Variants in PRORP observed in about 807,000 individuals in gnomAD.
The protein encoded by PRORP is mitochondrial ribonuclease P catalytic subunit.
PRORP carries 51 observed loss-of-function variants against 59.4 expected under a neutral mutation model. The observed-to-expected ratio is 0.86, with a 90% CI of 0.69 to 1.08. The LOEUF (loss-of-function observed/expected upper bound fraction) is 1.08, where lower values mean the gene tolerates loss of function less well. PRORP is among the 50% of genes least tolerant of loss of function. The pLI is 0.00. For missense variants in PRORP, 646 were observed against 690.3 expected (o/e 0.94, Z 0.72); for synonymous variants, 231 against 245.6 (o/e 0.94, Z 0.55).
At chr14:35,172,783 G>T (rs2048354833) in intron 4 of PRORP, among the ~76,000 whole-genome samples, 1 of 151,758 alleles carries the variant, frequency 6.6e-6, no homozygotes. Flanking sequence ...GGCCAGGATG[G>T]TCTTGATCTC....
Position 35,196,006 on chromosome 14 carries a change from G to A in PRORP, c.1275+15229G>A, listed in dbSNP as rs759329903. Among the ~76,000 whole-genome samples the A allele has an allele frequency of 3.9e-5, 6 of 152,270 alleles. No individual in the cohort carries two copies. In the East Asian group the frequency reaches 5.8e-4, roughly 15 times the overall value. Reference sequence around the variant, plus strand: ...TAAAGTAATTATATGTAATATCAAAGCAATGTAATTGTAAGCTTCTCCCTA... The same window carrying A: ...TAAAGTAATTATATGTAATATCAAAACAATGTAATTGTAAGCTTCTCCCTA... On this transcript the variant is annotated intron_variant, in intron 5 of 7. Transcript: ENST00000534898.
At chr14:35,220,733 C>CG (rs1254030695) in intron 5 of PRORP, among the ~76,000 whole-genome samples, 2 of 149,366 alleles carry the variant, frequency 1.3e-5, no homozygotes, top group African/African-American at 5.0e-5. Flanking sequence ...TTTAATTATT[C>CG]CCCATGACAT....
At chr14:35,216,303 G>A (rs2139191881) in intron 5 of PRORP, among the ~76,000 whole-genome samples, 1 of 150,320 alleles carries the variant, frequency 6.7e-6, no homozygotes, top group Non-Finnish European at 1.5e-5. Context: ...TTCCTTTCTG[G>A]GTTTTTTTTG....
chr14:35,190,219 C>A (rs1224815821), intron 5 of PRORP, among the ~76,000 whole-genome samples: 1 of 150,466 alleles, frequency 6.6e-6, no homozygotes, highest in Non-Finnish European at 1.5e-5. Flanking sequence ...GCCAACATGG[C>A]GAAACCCTGT....
At position 35,250,927 on chromosome 14, in the gene PRORP, T is replaced by C. The variant is rs922273720; in HGVS notation, c.1276-15800T>C. ...GGAAAAGGTGGTGTTTGGTTCATGA[T>C]TGAGTTCTTTAGTGGTGATTTGTGA... is the stretch of plus-strand genomic sequence containing the variant. On this transcript the variant is annotated intron_variant, in intron 5 of 7. Coordinates refer to ENST00000534898, the MANE Select transcript of PRORP (RefSeq NM_014672.4). Among the ~76,000 whole-genome samples, 5 of 152,132 alleles carry C rather than the reference T, an allele frequency of 3.3e-5. No homozygotes were observed. In the East Asian group the frequency reaches 9.6e-4, roughly 29 times the overall value.
intron 5 of PRORP, among the ~76,000 whole-genome samples, chr14:35,258,492 CA>C (rs2050815088): frequency 6.6e-6 from 1 of 151,976 alleles, no homozygotes; most frequent in African/African-American, 2.4e-5. Flanking sequence ...ACAGAAACCC[CA>C]AATCAGAAGA....
chr14:35,123,199 G>T lies in PRORP; in HGVS notation c.-47G>T, dbSNP rs1475087038. 1 of 1,558,462 alleles carries T rather than the reference G, an allele frequency of 6.4e-7. No individual in the cohort carries two copies. The highest frequency in any genetic ancestry group is 2.3e-5 in the East Asian group (1 of 44,258). On this transcript the variant is annotated 5_prime_UTR_variant, in exon 2 of 8. Coordinates refer to ENST00000534898, the MANE Select transcript of PRORP (RefSeq NM_014672.4). ...TCTTTAATTTTGCCATAGAAGAGGG[G>T]TTTTTTCAACATCTCTCTCACTATC...
intron 5 of PRORP, among the ~76,000 whole-genome samples, chr14:35,181,220 C>A (rs2048597319): frequency 6.6e-6 from 1 of 152,068 alleles, no homozygotes; most frequent in Admixed American, 6.6e-5. Context: ...TTAACCTAAG[C>A]AGTTTTTTTT....
In PRORP at chr14:35,256,701, T is replaced by C. The variant is rs116551511; in HGVS notation, c.1276-10026T>C. ...ACATATTTACAGGTGAAATGATATGTCTGGGATTTGTTTCAAAATAATCCG... is the reference window on the plus strand; with the variant it reads ...ACATATTTACAGGTGAAATGATATGCCTGGGATTTGTTTCAAAATAATCCG... On this transcript the variant is annotated intron_variant, in intron 5 of 7. Transcript: ENST00000534898. Among the ~76,000 whole-genome samples, 1,189 of 152,146 alleles carry C rather than the reference T, an allele frequency of 7.8e-3. 16 individuals carry two copies. Among genetic ancestry groups the C allele is most frequent in the African/African-American group, 0.027 (1,126 of 41,526 alleles).
At chr14:35,232,318 A>G (rs1595353700) in intron 5 of PRORP, among the ~76,000 whole-genome samples, 1 of 150,174 alleles carries the variant, frequency 6.7e-6, no homozygotes, top group African/African-American at 2.5e-5. Context: ...CAGTCCTCTC[A>G]CCTCAGCTTC....
intron 5 of PRORP, among the ~76,000 whole-genome samples, chr14:35,252,151 A>G (rs1477288033): frequency 6.6e-6 from 1 of 152,158 alleles, no homozygotes; most frequent in African/African-American, 2.4e-5. Flanking sequence ...ATGACCAGGC[A>G]TGGTATCTCA....
chr14:35,247,092 A>G (rs1183291183), intron 5 of PRORP, among the ~76,000 whole-genome samples: 4 of 152,214 alleles, frequency 2.6e-5, no homozygotes, highest in Non-Finnish European at 2.9e-5. Flanking sequence ...AAGGTCACAC[A>G]GTTGGTACAT....
intron 4 of PRORP, among the ~76,000 whole-genome samples, chr14:35,135,244 G>C (rs965335652): frequency 6.6e-6 from 1 of 152,206 alleles, no homozygotes; most frequent in African/African-American, 2.4e-5. Flanking sequence ...GTTAAAACCA[G>C]GTACTGTGAG....
chr14:35,178,356 A>G (rs1595249111), intron 4 of PRORP, among the ~76,000 whole-genome samples: 1 of 152,148 alleles, frequency 6.6e-6, no homozygotes, highest in African/African-American at 2.4e-5. Flanking sequence ...AAAGTCTCCC[A>G]TTATTATTGT....
intron 5 of PRORP, among the ~76,000 whole-genome samples, chr14:35,195,148 G>T (rs145814742): frequency 2.0e-5 from 3 of 152,080 alleles, no homozygotes; most frequent in African/African-American, 4.8e-5. Context: ...TATGCCATAC[G>T]TGGGAATGTA....
intron 4 of PRORP, among the ~76,000 whole-genome samples, chr14:35,132,412 C>T (rs978215638): frequency 3.3e-5 from 5 of 151,754 alleles, no homozygotes; most frequent in African/African-American, 7.3e-5. Flanking sequence ...GAGCCAAGGT[C>T]ACACTACTGC....
At chr14:35,178,082 G>A (rs1425227923) in intron 4 of PRORP, among the ~76,000 whole-genome samples, 1 of 152,168 alleles carries the variant, frequency 6.6e-6, no homozygotes, top group East Asian at 1.9e-4. Flanking sequence ...CTGAGTTCTA[G>A]TTTGATTGCA....
intron 5 of PRORP, among the ~76,000 whole-genome samples, chr14:35,246,527 C>T (rs1305547086): frequency 1.3e-5 from 2 of 152,176 alleles, no homozygotes; most frequent in Non-Finnish European, 2.9e-5. Context: ...TCTTAGCTTA[C>T]CTCTCTTCAG....
At chr14:35,218,508 C>A (rs1271969940) in intron 5 of PRORP, among the ~76,000 whole-genome samples, 6 of 101,254 alleles carry the variant, frequency 5.9e-5, no homozygotes, top group African/African-American at 1.5e-4. Flanking sequence ...CACAACAGAA[C>A]ACTGATTGTA....
Sources: allele counts gnomAD v4.1 joint callset (sites outside exome capture counted in the v4.1 genomes callset), GRCh38; gene constraint gnomAD v4.1.1; transcripts MANE v1.5; gene names NCBI Gene and HGNC (gene_info 2026-07-23, HGNC 2026-07-21).